Variants in VWA8 observed in about 807,000 individuals in gnomAD.
VWA8 encodes von Willebrand factor A domain containing 8, also known as von Willebrand factor A domain-containing protein 8.
A neutral mutation model predicts 241.5 loss-of-function variants in VWA8; 221 were observed. The ratio of observed to expected loss-of-function variants is 0.91; its 90% confidence interval spans 0.82 to 1.02. The LOEUF is 1.02. VWA8 is among the 50% of genes least tolerant of loss of function. VWA8 has a pLI of 0.00. For synonymous variants in VWA8, 852 were observed against 827.1 expected, an observed-to-expected ratio of 1.03 and a Z score of -0.52; for missense variants, 2,322 against 2,328.7, an observed-to-expected ratio of 1.00 and a Z score of 0.06.
At chr13:41,850,495 C>T (rs1207715711) in intron 12 of VWA8, among the ~76,000 whole-genome samples, 1 of 152,124 alleles carries the variant, frequency 6.6e-6, no homozygotes, top group East Asian at 1.9e-4. Context: ...TCAAGGTCTG[C>T]CATAGCACTA....
At chr13:41,794,926 C>T (rs1869622443) in intron 17 of VWA8, among the ~76,000 whole-genome samples, 1 of 151,976 alleles carries the variant, frequency 6.6e-6, no homozygotes, top group South Asian at 2.1e-4. Context: ...AAAGCAATTG[C>T]ATCAAAAGAA....
Position 41,691,410 on chromosome 13 carries a change from C to T in VWA8, c.3776G>A (p.Arg1259Gln), listed in dbSNP as rs375909557. The stretch of plus-strand genomic sequence containing the variant: ...GATGGGAAGTGAGATGGTGTGAGTT[C>T]GCCCTTCTAGAACATCCAGCACAGT... ...SLTVLDVLEG[R>Q]THTISLPINL... The change falls in exon 32 of 45, where the codon CGA becomes CAA. Residue 1259 changes from arginine (R) to glutamine (Q), a missense_variant. By Grantham distance (43) the Arg-to-Gln change is conservative. Transcript: ENST00000379310. The T allele has an allele frequency of 6.8e-5, 109 of 1,612,606 alleles. No homozygotes were observed. The highest frequency in any genetic ancestry group is 9.0e-5 in the Non-Finnish European group (106 of 1,179,032).
intron 12 of VWA8, among the ~76,000 whole-genome samples, chr13:41,837,810 C>T (rs73185308): frequency 0.088 from 13,377 of 152,138 alleles, 712 homozygotes; most frequent in African/African-American, 0.15. Flanking sequence ...CTTATTTTTG[C>T]ATATATTTTT....
At chr13:41,628,007 G>A (rs951867074) in intron 37 of VWA8, among the ~76,000 whole-genome samples, 4 of 151,834 alleles carry the variant, frequency 2.6e-5, no homozygotes, top group Non-Finnish European at 5.9e-5. Context: ...GGCATACACC[G>A]AGTAAATGAC....
At chr13:41,602,186 T>C (rs1173669764) in intron 40 of VWA8, among the ~76,000 whole-genome samples, 1 of 151,950 alleles carries the variant, frequency 6.6e-6, no homozygotes, top group Non-Finnish European at 1.5e-5. Context: ...TGAGAATAAC[T>C]CCCCTATGGA....
At chr13:41,743,272 C>T (rs2045581615) in intron 21 of VWA8, among the ~76,000 whole-genome samples, 1 of 152,152 alleles carries the variant, frequency 6.6e-6, no homozygotes, top group African/African-American at 2.4e-5. Flanking sequence ...GAGTTCTTAA[C>T]CAGGAGGCTA....
chr13:41,720,476 C>A (rs942713257), intron 25 of VWA8, among the ~76,000 whole-genome samples: 2 of 152,016 alleles, frequency 1.3e-5, no homozygotes, highest in Admixed American at 1.3e-4. Context: ...TGTATGTATG[C>A]CTTACAGAAT....
chr13:41,768,605 A>C (rs2045796058), intron 20 of VWA8, among the ~76,000 whole-genome samples: 1 of 152,228 alleles, frequency 6.6e-6, no homozygotes, highest in African/African-American at 2.4e-5. Context: ...AGAATGAATC[A>C]TTTCTAGCCT....
rs1480039814 is a variant in VWA8 at position 41,819,371 on chromosome 13, G to C, written c.1716C>G (p.Ile572Met). Residue 572 changes from isoleucine (I) to methionine (M), a missense_variant, in exon 15 of 45, where the codon ATC (isoleucine) becomes ATG (methionine). Transcript: ENST00000379310. ...EQLQKRSIFP[I>M]HPSFRIIALA... Reference sequence around the variant, plus strand: ...AGGCAATGATTCTGAAGGAGGGATGGATAGGAAAAATGGATCTAAAATAGG... The same window carrying C: ...AGGCAATGATTCTGAAGGAGGGATGCATAGGAAAAATGGATCTAAAATAGG... The C allele has an allele frequency of 6.3e-7, 1 of 1,599,136 alleles. No individual in the cohort carries two copies. The highest frequency in any genetic ancestry group is 1.1e-5 in the South Asian group (1 of 87,064).
chr13:41,692,812 A>G, intron 30 of VWA8, 50 bp downstream of exon 30: 3 of 1,474,120 alleles, frequency 2.0e-6, no homozygotes, highest in Non-Finnish European at 2.8e-6. Flanking sequence ...TCTGGTTAGA[A>G]AGCTATAGAA....
At position 41,706,784 on chromosome 13, in the gene VWA8, T is replaced by A. The variant is rs114829613; in HGVS notation, c.3117-3373A>T. Among the ~76,000 whole-genome samples, 550 of 152,340 alleles carry A rather than the reference T, an allele frequency of 3.6e-3. 4 individuals carry two copies. Among genetic ancestry groups the A allele is most frequent in the African/African-American group, 0.013 (525 of 41,592 alleles). ...CTGACCAGACTTAAGTTTTAATATCTGATTTGATTAAAACAATAATGGCAT... is the reference window on the plus strand; with the variant it reads ...CTGACCAGACTTAAGTTTTAATATCAGATTTGATTAAAACAATAATGGCAT... On this transcript the variant is annotated intron_variant, in intron 26 of 44. Coordinates refer to ENST00000379310, the MANE Select transcript of VWA8 (RefSeq NM_015058.2).
chr13:41,700,142 T>C (rs1482191106), intron 28 of VWA8, among the ~76,000 whole-genome samples: 3 of 152,192 alleles, frequency 2.0e-5, no homozygotes, highest in Non-Finnish European at 4.4e-5. Flanking sequence ...GGTATCTATT[T>C]TACAACAGTC....
intron 9 of VWA8, among the ~76,000 whole-genome samples, chr13:41,869,631 C>CAAAAAAA (rs532296102): frequency 5.0e-5 from 2 of 40,298 alleles, no homozygotes; most frequent in Admixed American, 4.7e-4. Flanking sequence ...AACTTTGTCT[C>CAAAAAAA]AAAAAAAAAA....
intron 37 of VWA8, among the ~76,000 whole-genome samples, chr13:41,656,082 C>T (rs1469588471): frequency 6.6e-6 from 1 of 152,116 alleles, no homozygotes; most frequent in African/African-American, 2.4e-5. Flanking sequence ...GTGAAATAGT[C>T]CTTACAGATT....
chr13:41,897,569 T>G (rs939384245), intron 4 of VWA8, among the ~76,000 whole-genome samples: 3 of 152,176 alleles, frequency 2.0e-5, no homozygotes, highest in African/African-American at 4.8e-5. Flanking sequence ...ATTAAAGTAT[T>G]GTGTCCGAAA....
chr13:41,840,335 G>C (rs1225133737), intron 12 of VWA8, among the ~76,000 whole-genome samples: 1 of 152,024 alleles, frequency 6.6e-6, no homozygotes, highest in Non-Finnish European at 1.5e-5. Flanking sequence ...CTAGAGGAGG[G>C]ATAGCATTAG....
intron 37 of VWA8, among the ~76,000 whole-genome samples, chr13:41,617,888 A>ATTGATGGACTTT (rs555607004): frequency 6.8e-6 from 1 of 147,086 alleles, no homozygotes; most frequent in African/African-American, 2.6e-5. Flanking sequence ...CCCGTCTATT[A>ATTGATGGACTTT]TGGGTTGGTT....
chr13:41,856,014 TA>T (rs1872731668), intron 12 of VWA8, among the ~76,000 whole-genome samples: 1 of 152,198 alleles, frequency 6.6e-6, no homozygotes, highest in African/African-American at 2.4e-5. Context: ...ATGGTAATAT[TA>T]CCAATTTGTT....
In VWA8 at chr13:41,587,637, G is replaced by A. The variant is rs367818265; in HGVS notation, c.5146C>T (p.Arg1716Cys). The A allele has an allele frequency of 4.1e-5, 66 of 1,614,136 alleles. No homozygotes were observed. Among genetic ancestry groups the A allele is most frequent in the Middle Eastern group, 1.6e-4 (1 of 6,062 alleles). ...GSPQQKPKRL[R>C]LVVDVSGSMY... Reference sequence around the variant, plus strand: ...CTACCAGACACATCTACCACCAGGCGCAGACGCTTGGGTTTCTGTTGTGGG... The same window carrying A: ...CTACCAGACACATCTACCACCAGGCACAGACGCTTGGGTTTCTGTTGTGGG... Residue 1716 changes from arginine to cysteine, a missense_variant, in exon 42 of 45, where the codon CGC becomes TGC. Physicochemically the swap from Arg to Cys is radical, Grantham distance 180 (BLOSUM62 -3). Coordinates refer to ENST00000379310, the MANE Select transcript of VWA8 (RefSeq NM_015058.2).
Sources: gnomAD v4.1 joint callset for allele counts (sites outside exome capture counted in the v4.1 genomes callset) on GRCh38, gnomAD v4.1.1 for gene constraint, MANE v1.5 for transcripts, NCBI Gene and HGNC (gene_info 2026-07-23, HGNC 2026-07-21) for gene names.